The following CELF2 variants were observed in gnomAD, a reference collection of about 807,000 sequenced individuals.
CELF2 encodes CUG triplet repeat RNA-binding protein 2.
In CELF2, 8 loss-of-function variants were observed where a neutral mutation model predicts 62.6. The observed-to-expected ratio is 0.13, with a 90% CI of 0.07 to 0.23. The LOEUF (loss-of-function observed/expected upper bound fraction) is 0.23, where lower values mean the gene tolerates loss of function less well. Among genes scored for constraint, CELF2 ranks in the 10% least tolerant of loss-of-function variants. CELF2 has a pLI of 1.00. For missense variants in CELF2, 333 were observed against 671.0 expected, an observed-to-expected ratio of 0.50 and a Z score of 5.56; for synonymous variants, 258 against 250.0, an observed-to-expected ratio of 1.03 and a Z score of -0.30.
rs554967669 is a variant in CELF2 at position 10,995,674 on chromosome 10, T to A, written c.89+75675T>A. Among the ~76,000 whole-genome samples the A allele has an allele frequency of 4.2e-4, 64 of 152,308 alleles. 1 individual carries two copies. The highest frequency in any genetic ancestry group is 1.4e-3 in the African/African-American group (60 of 41,570). ...AAGAGTTGTAAGCGGGAGACAGCTA[T>A]GACCATATTTCAGTATTAAATAACT... On this transcript the variant is annotated intron_variant, in intron 2 of 13. Transcript: ENST00000636488. This position sits in a 1 kb window ranked among gnomAD's most constrained non-coding sequence, Gnocchi z 4.7.
At chr10:10,515,999 C>G in the CELF2 span, among the ~76,000 whole-genome samples, 10,021 of 152,106 alleles carry the variant, frequency 0.066, 555 homozygotes, top group African/African-American at 0.15. Context: ...ATAACCAGCT[C>G]GGGTGAGACT....
At chr10:11,202,428 G>C (rs540282626) in intron 2 of CELF2, among the ~76,000 whole-genome samples, 6 of 152,206 alleles carry the variant, frequency 3.9e-5, no homozygotes, top group African/African-American at 1.4e-4. Flanking sequence ...CAGTGAGATG[G>C]ACACAGTATG....
Position 11,309,976 on chromosome 10 carries a change from C to A in CELF2, c.977-4163C>A, listed in dbSNP as rs746440401. On this transcript the variant is annotated intron_variant, in intron 9 of 12. Transcript: ENST00000633077. This position sits in a 1 kb window ranked among gnomAD's most constrained non-coding sequence, Gnocchi z 5.6. Reference sequence around the variant, plus strand: ...TGGCCTGCTTTTCTGTGAATGACACCTCTGGTCTACAGGAAGGGTACTGTG... The same window carrying A: ...TGGCCTGCTTTTCTGTGAATGACACATCTGGTCTACAGGAAGGGTACTGTG... Among the ~76,000 whole-genome samples the A allele has an allele frequency of 3.3e-5, 5 of 152,180 alleles. No individual in the cohort carries two copies. Among genetic ancestry groups the A allele is most frequent in the Non-Finnish European group, 7.3e-5 (5 of 68,040 alleles).
At chr10:10,741,931 A>C in the CELF2 span, among the ~76,000 whole-genome samples, 2 of 152,132 alleles carry the variant, frequency 1.3e-5, no homozygotes, top group African/African-American at 4.8e-5. Context: ...TCTCTATTTC[A>C]TTCTTTCTGT....
At chr10:10,846,488 T>G (rs891462642) in intron 1 of CELF2, among the ~76,000 whole-genome samples, 1 of 151,844 alleles carries the variant, frequency 6.6e-6, no homozygotes, top group African/African-American at 2.4e-5. Flanking sequence ...CCCAGAAGAG[T>G]CTATGTATGT....
At chr10:11,189,781 T>C (rs1280999315) in intron 2 of CELF2, among the ~76,000 whole-genome samples, 1 of 152,208 alleles carries the variant, frequency 6.6e-6, no homozygotes, top group Admixed American at 6.5e-5. Context: ...GTGCCTTCTA[T>C]TTATCCAGAG....
In CELF2 at chr10:11,306,001, T is replaced by C. The variant is rs571788546; in HGVS notation, c.977-8138T>C. Among the ~76,000 whole-genome samples, 1 of 152,286 alleles carries C rather than the reference T, an allele frequency of 6.6e-6. No individual in the cohort carries two copies. The highest frequency in any genetic ancestry group is 1.9e-4 in the East Asian group (1 of 5,182). On this transcript the variant is annotated intron_variant, in intron 9 of 12. Transcript: ENST00000633077. The surrounding 1 kb of genome is among the most constrained non-coding windows in gnomAD (Gnocchi z 4.4). ...TGATAAAACCATGGCCATCCTTGCCTGCTCAACCATTCTCTTTCCTGGCAC... is the reference window on the plus strand; with the variant it reads ...TGATAAAACCATGGCCATCCTTGCCCGCTCAACCATTCTCTTTCCTGGCAC...
At chr10:11,040,948 C>A (rs1300464430) in intron 1 of CELF2, among the ~76,000 whole-genome samples, 1 of 152,154 alleles carries the variant, frequency 6.6e-6, no homozygotes. Context: ...GAATATCTTA[C>A]TTTGGTTGGG....
the CELF2 span, among the ~76,000 whole-genome samples, chr10:10,776,913 G>A: frequency 2.0e-4 from 30 of 152,216 alleles, no homozygotes; most frequent in African/African-American, 6.5e-4. Context: ...CACGTCCTCC[G>A]GAAGGCCATG....
chr10:10,853,056 A>G (rs555065919), intron 1 of CELF2, among the ~76,000 whole-genome samples: 1 of 152,218 alleles, frequency 6.6e-6, no homozygotes, highest in South Asian at 2.1e-4. Flanking sequence ...TTGGCTCACT[A>G]CAGCCTCCAC....
Position 11,098,858 on chromosome 10 carries a change from C to T in CELF2, c.75-66628C>T, listed in dbSNP as rs1382544739. On this transcript the variant is annotated intron_variant, in intron 1 of 12. Transcript: ENST00000633077. The surrounding 1 kb of genome is among the most constrained non-coding windows in gnomAD (Gnocchi z 4.0). ...AATTCTACCTGGGCAGCAGGCCACGCGTGAGAGCAGCTTCCCCGAACCTCT... is the reference window on the plus strand; with the variant it reads ...AATTCTACCTGGGCAGCAGGCCACGTGTGAGAGCAGCTTCCCCGAACCTCT... Among the ~76,000 whole-genome samples the T allele has an allele frequency of 2.0e-5, 3 of 152,186 alleles. No individual in the cohort carries two copies. The highest frequency in any genetic ancestry group is 4.4e-5 in the Non-Finnish European group (3 of 68,036).
intron 10 of CELF2, chr10:11,320,719 T>G: frequency 1.1e-6 from 1 of 922,480 alleles, no homozygotes; most frequent in Non-Finnish European, 1.6e-6. Context: ...GGGAAAAAAG[T>G]TTTATTTCAT....
chr10:10,857,649 GTATATATATA>G (rs779543257), intron 1 of CELF2, among the ~76,000 whole-genome samples: 7,665 of 94,216 alleles, frequency 0.081, 430 homozygotes, highest in East Asian at 0.31. Context: ...CATATATATA[GTATATATATA>G]TATATATATA....
intron 1 of CELF2, among the ~76,000 whole-genome samples, chr10:10,874,211 G>A (rs1006248526): frequency 6.6e-6 from 1 of 152,044 alleles, no homozygotes; most frequent in Admixed American, 6.5e-5. Flanking sequence ...CTAACTACTT[G>A]GGAGGCTGAG....
At chr10:10,725,455 A>T in the CELF2 span, among the ~76,000 whole-genome samples, 4 of 152,334 alleles carry the variant, frequency 2.6e-5, no homozygotes, top group East Asian at 7.7e-4. Flanking sequence ...TTATTGCCTG[A>T]TGTAATGTAT....
the CELF2 span, among the ~76,000 whole-genome samples, chr10:10,648,484 C>G: frequency 6.6e-6 from 1 of 152,158 alleles, no homozygotes; most frequent in South Asian, 2.1e-4. Context: ...TAAAAGTGGA[C>G]AGGAAGGGTT....
intron 1 of CELF2, among the ~76,000 whole-genome samples, chr10:10,843,264 AT>A (rs1021887868): frequency 2.6e-5 from 4 of 151,952 alleles, no homozygotes; most frequent in African/African-American, 9.7e-5. Context: ...TTTTTGTTTT[AT>A]TGATTTTCTT....
intron 9 of CELF2, among the ~76,000 whole-genome samples, chr10:11,303,837 T>C (rs775403355): frequency 3.3e-5 from 5 of 152,168 alleles, no homozygotes; most frequent in Non-Finnish European, 7.3e-5. Context: ...GACCCCTGGG[T>C]TTAAATTCTG....
Position 11,319,253 on chromosome 10 carries a change from C to G in CELF2, c.1097-1936C>G. 1 of 380,294 alleles carries G rather than the reference C, an allele frequency of 2.6e-6. No individual in the cohort carries two copies. Among genetic ancestry groups the G allele is most frequent in the South Asian group, 2.0e-5 (1 of 49,764 alleles). 23.6% of individuals were successfully genotyped at this position (380,294 alleles called of 1,614,324 possible). A position where few individuals can be genotyped will look rare whatever the true frequency, so the allele number is the denominator to read the frequency against. On this transcript the variant is annotated intron_variant, in intron 10 of 12. Coordinates refer to ENST00000633077, the MANE Select transcript of CELF2 (RefSeq NM_001326342.2). The surrounding 1 kb of genome is among the most constrained non-coding windows in gnomAD (Gnocchi z 4.4). ...AACAGAATTTATCAGCAGCGTCCAG[C>G]CCTTCCCGAGTTATTGTACATACCC...
Sources: allele counts gnomAD v4.1 joint callset (sites outside exome capture counted in the v4.1 genomes callset), GRCh38; gene constraint gnomAD v4.1.1; non-coding constraint Gnocchi (gnomAD v3.1); transcripts MANE v1.5; gene names NCBI Gene and HGNC (gene_info 2026-07-23, HGNC 2026-07-21).